SORCS3: variants seen among roughly 807,000 people sequenced by gnomAD.
The protein encoded by SORCS3 is VPS10 domain-containing receptor SorCS3.
Under a neutral mutation model 146.3 loss-of-function variants are expected in SORCS3, and 57 were observed. That is an observed-to-expected ratio of 0.39 (90% confidence interval 0.31 to 0.49). SORCS3 has a LOEUF of 0.49. Ranked by LOEUF, SORCS3 falls within the 20% of genes least tolerant of loss-of-function variation. SORCS3 has a pLI of 0.92. For missense variants in SORCS3, 1,341 were observed against 1,575.5 expected, an observed-to-expected ratio of 0.85 and a Z score of 2.52; for synonymous variants, 653 against 618.5, an observed-to-expected ratio of 1.06 and a Z score of -0.83.
At chr10:104,845,719 G>A (rs1373232382) in intron 2 of SORCS3, among the ~76,000 whole-genome samples, 1 of 152,150 alleles carries the variant, frequency 6.6e-6, no homozygotes, top group Non-Finnish European at 1.5e-5. Flanking sequence ...TGTCCCTTGT[G>A]CTAGTTGGGA....
At chr10:104,791,519 T>C (rs1162747336) in intron 1 of SORCS3, among the ~76,000 whole-genome samples, 4 of 152,194 alleles carry the variant, frequency 2.6e-5, no homozygotes, top group Admixed American at 2.6e-4. Flanking sequence ...GAGAGCTCTC[T>C]AGTTGATGGC....
chr10:104,916,818 C>T (rs1477483923), intron 3 of SORCS3, among the ~76,000 whole-genome samples: 3 of 152,110 alleles, frequency 2.0e-5, no homozygotes, highest in Non-Finnish European at 4.4e-5. Context: ...TTTGCATTCC[C>T]CCGTGGTTTT....
At position 104,799,960 on chromosome 10, in the gene SORCS3, G is replaced by A. The variant is rs185130481; in HGVS notation, c.628-42832G>A. ...CAAAGTGCTGGGATTACAGGCATGA[G>A]CCACCGTGCCTGGCCCAGAATTTAA... On this transcript the variant is annotated intron_variant, in intron 1 of 26. Transcript: ENST00000369701. Among the ~76,000 whole-genome samples the A allele has an allele frequency of 2.3e-3, 357 of 152,128 alleles. 2 individuals carry two copies. The highest frequency in any genetic ancestry group is 7.7e-3 in the African/African-American group (320 of 41,472).
chr10:105,124,598 T>C (rs1357334322), intron 7 of SORCS3, among the ~76,000 whole-genome samples: 1 of 152,212 alleles, frequency 6.6e-6, no homozygotes, highest in Admixed American at 6.5e-5. Context: ...AAAAAATACA[T>C]TAAAAAGATC....
intron 3 of SORCS3, among the ~76,000 whole-genome samples, chr10:104,961,819 C>T (rs2133635576): frequency 6.6e-6 from 1 of 152,158 alleles, no homozygotes; most frequent in East Asian, 1.9e-4. Flanking sequence ...TTTGGTCAAG[C>T]AAACTGAGAA....
chr10:104,780,608 A>G (rs1309121458), intron 1 of SORCS3, among the ~76,000 whole-genome samples: 4 of 152,214 alleles, frequency 2.6e-5, no homozygotes, highest in East Asian at 3.8e-4. Context: ...CCAAAAGCAG[A>G]TGCTCCTTTT....
At chr10:104,792,280 G>A (rs1157588303) in intron 1 of SORCS3, among the ~76,000 whole-genome samples, 1 of 152,136 alleles carries the variant, frequency 6.6e-6, no homozygotes, top group Non-Finnish European at 1.5e-5. Flanking sequence ...AGATGTCTCT[G>A]GGCAGTAGGG....
chr10:104,868,376 T>C (rs923757261), intron 2 of SORCS3, among the ~76,000 whole-genome samples: 3 of 152,258 alleles, frequency 2.0e-5, no homozygotes, highest in Non-Finnish European at 4.4e-5. Flanking sequence ...TCTAATGTGG[T>C]CTATAAGACA....
intron 8 of SORCS3, among the ~76,000 whole-genome samples, chr10:105,140,639 C>G (rs889781044): frequency 1.3e-5 from 2 of 152,034 alleles, no homozygotes; most frequent in African/African-American, 4.8e-5. Context: ...ATTCTGCAAA[C>G]AAAGATGGGG....
intron 1 of SORCS3, among the ~76,000 whole-genome samples, chr10:104,797,515 T>A (rs1014890679): frequency 3.3e-5 from 5 of 152,018 alleles, no homozygotes; most frequent in African/African-American, 9.7e-5. Context: ...TTTTTTTTTT[T>A]AAAAGAGACA....
At chr10:104,815,685 G>A (rs986182124) in intron 1 of SORCS3, among the ~76,000 whole-genome samples, 27 of 151,694 alleles carry the variant, frequency 1.8e-4, no homozygotes, top group Middle Eastern at 3.2e-3. Flanking sequence ...TTTTAAGGTA[G>A]GCTTCAGGCA....
chr10:104,684,876 G>A (rs1215435768), intron 1 of SORCS3, among the ~76,000 whole-genome samples: 2 of 122,822 alleles, frequency 1.6e-5, no homozygotes, highest in Admixed American at 1.1e-4. Context: ...GGAGTACAGT[G>A]GCATGATCTC....
intron 1 of SORCS3, among the ~76,000 whole-genome samples, chr10:104,691,322 A>G (rs1038978790): frequency 1.8e-4 from 27 of 152,240 alleles, no homozygotes; most frequent in African/African-American, 6.5e-4. Flanking sequence ...CAGTGGGAGG[A>G]TTGGAAGAAG....
intron 4 of SORCS3, among the ~76,000 whole-genome samples, chr10:104,989,706 G>A (rs2054982706): frequency 6.6e-6 from 1 of 152,144 alleles, no homozygotes; most frequent in East Asian, 1.9e-4. Context: ...TGCTGCAGAT[G>A]GGGACTCCAC....
intron 5 of SORCS3, among the ~76,000 whole-genome samples, chr10:105,087,816 C>T (rs932465699): frequency 6.6e-6 from 1 of 152,234 alleles, no homozygotes; most frequent in African/African-American, 2.4e-5. Flanking sequence ...CAGTGGTCCT[C>T]AAACATGGCT....
intron 8 of SORCS3, 142 bp downstream of exon 8, chr10:105,139,628 C>A: frequency 1.6e-6 from 1 of 618,868 alleles, no homozygotes; most frequent in Non-Finnish European, 2.9e-6. Context: ...AGTCGTTTGG[C>A]CTCCCTTAGT....
chr10:104,851,877 C>G (rs768288477), intron 2 of SORCS3, among the ~76,000 whole-genome samples: 4 of 152,162 alleles, frequency 2.6e-5, no homozygotes, highest in Non-Finnish European at 1.5e-5. Context: ...GGCAAATTCC[C>G]TTGTAAGACC....
intron 3 of SORCS3, among the ~76,000 whole-genome samples, chr10:104,956,636 A>G (rs2019494102): frequency 6.6e-6 from 1 of 152,146 alleles, no homozygotes; most frequent in South Asian, 2.1e-4. Flanking sequence ...GTAGAACTGA[A>G]GCCTTGAAGT....
chr10:105,106,090 T>C (rs1327374908), intron 7 of SORCS3, among the ~76,000 whole-genome samples: 1 of 152,118 alleles, frequency 6.6e-6, no homozygotes, highest in Non-Finnish European at 1.5e-5. Context: ...CTCTATTGTG[T>C]ACTATAAGGA....
Sources: gnomAD v4.1 joint callset for allele counts (sites outside exome capture counted in the v4.1 genomes callset) on GRCh38, gnomAD v4.1.1 for gene constraint, MANE v1.5 for transcripts, NCBI Gene and HGNC (gene_info 2026-07-23, HGNC 2026-07-21) for gene names.